Variants in CEP104 observed in about 807,000 individuals in gnomAD.
CEP104 encodes centrosomal protein 104.
CEP104 carries 84 observed loss-of-function variants against 113.3 expected under a neutral mutation model. The observed-to-expected ratio is 0.74, with a 90% confidence interval of 0.62 to 0.89. The LOEUF (loss-of-function observed/expected upper bound fraction) is 0.89. Among genes scored for constraint, CEP104 ranks in the 40% least tolerant of loss-of-function variants. The pLI is 0.00. For missense variants in CEP104, 1,053 were observed against 1,156.6 expected (o/e 0.91, Z 1.30); for synonymous variants, 378 against 421.7 (o/e 0.90, Z 1.27).
At chr1:3,837,540 T>C (rs781140210) in intron 8 of CEP104, 21 bp from the exon 9 acceptor site, 5 of 1,603,178 alleles carry the variant, frequency 3.1e-6, no homozygotes, top group Non-Finnish European at 4.3e-6. Context: ...AAAAGGAACA[T>C]TTAATTTCAA....
At chr1:3,848,128 C>T (rs954432264) in intron 3 of CEP104, among the ~76,000 whole-genome samples, 2 of 152,064 alleles carry the variant, frequency 1.3e-5, no homozygotes, top group East Asian at 1.9e-4. Flanking sequence ...GAAATTATAG[C>T]GCTGCTTTTT....
chr1:3,817,636 G>A (rs982122921), intron 20 of CEP104, among the ~76,000 whole-genome samples: 1 of 152,114 alleles, frequency 6.6e-6, no homozygotes, highest in African/African-American at 2.4e-5. Context: ...ACCAGAATGT[G>A]GCCCACCGGC....
rs1557668710 is a variant in CEP104, at chr1:3,829,458, A to G, written c.2044-85T>C. 7 of 878,412 alleles carry G rather than the reference A, an allele frequency of 8.0e-6. No homozygotes were observed. In the South Asian group the frequency reaches 1.1e-4, roughly 14 times the overall value. 54.4% of individuals were successfully genotyped at this position (878,412 alleles called of 1,614,324 possible). ...AGACAAATTATGGCATATCAACTAT[A>G]TTTCTTATAAATTATAATATTCACT... On this transcript the variant is annotated intron_variant, in intron 14 of 21. Transcript: ENST00000378230.
chr1:3,824,788 CGCAGTGCCACTGTGGGAAGGGG>C (rs1173511284), intron 18 of CEP104, among the ~76,000 whole-genome samples: 3 of 151,828 alleles, frequency 2.0e-5, no homozygotes, highest in South Asian at 2.1e-4. Context: ...GAAGCATGGC[CGCAGTGCCACTGTGGGAAGGGG>C]GCAGTGGCAC....
intron 18 of CEP104, among the ~76,000 whole-genome samples, chr1:3,825,520 C>T (rs1039141899): frequency 4.6e-5 from 7 of 152,204 alleles, no homozygotes; most frequent in African/African-American, 1.4e-4. Context: ...CAGACCCCTG[C>T]TGACTCTGGA....
At chr1:3,835,424 G>A (rs367743345) in intron 10 of CEP104, among the ~76,000 whole-genome samples, 3 of 152,178 alleles carry the variant, frequency 2.0e-5, no homozygotes, top group East Asian at 3.9e-4. Flanking sequence ...CGCCCAGGCT[G>A]GAGTGCAGTG....
intron 2 of CEP104, among the ~76,000 whole-genome samples, chr1:3,850,164 G>C (rs985081211): frequency 3.9e-4 from 59 of 152,214 alleles, no homozygotes; most frequent in African/African-American, 1.4e-3. Flanking sequence ...TTCTCAGAAA[G>C]AATGTCCCCA....
chr1:3,835,191 T>G (rs985498494), intron 10 of CEP104, 99 bp from the exon 11 acceptor site: 1 of 857,428 alleles, frequency 1.2e-6, no homozygotes, highest in African/African-American at 1.7e-5. Context: ...AATGATTCAT[T>G]TCTAAGAACA....
intron 12 of CEP104, chr1:3,833,575 G>T: frequency 3.3e-6 from 1 of 307,594 alleles, no homozygotes; most frequent in Non-Finnish European, 6.0e-6. Context: ...TTTACCCTCA[G>T]ATTTTCTCTT....
chr1:3,835,078 A>G lies in CEP104; in HGVS notation c.1332T>C (p.Tyr444=). 2 of 1,613,600 alleles carry G rather than the reference A, an allele frequency of 1.2e-6. No homozygotes were observed. The highest frequency in any genetic ancestry group is 1.7e-6 in the Non-Finnish European group (2 of 1,179,734). ...CCTCTCGGTAGGACCACGTCTTACA[A>G]TAGGCCTCAGCAACCTACCACAAAA... ...VLGETLVAEA[Y]CKTWSYREDA... Residue 444 remains tyrosine (Y), a synonymous_variant, in exon 11 of 22, where the codon TAT becomes TAC. Coordinates refer to ENST00000378230, the MANE Select transcript of CEP104 (RefSeq NM_014704.4).
At chr1:3,855,991 T>C in intron 1 of CEP104, 1 of 965,442 alleles carries the variant, frequency 1.0e-6, no homozygotes, top group East Asian at 1.1e-4. Context: ...CTCACTACAC[T>C]TTTCCTAGTG....
At chr1:3,849,268 T>C (rs1212512022) in intron 2 of CEP104, among the ~76,000 whole-genome samples, 1 of 3,232 alleles carries the variant, frequency 3.1e-4, no homozygotes, top group African/African-American at 1.4e-3. Flanking sequence ...TGACATAACT[T>C]TTTTTTTTTT....
intron 6 of CEP104, among the ~76,000 whole-genome samples, chr1:3,843,708 T>C (rs2124684277): frequency 6.6e-6 from 1 of 151,954 alleles, no homozygotes; most frequent in South Asian, 2.1e-4. Flanking sequence ...TAGCCAAATT[T>C]AGCAGTGAGA....
At position 3,826,644 on chromosome 1, in the gene CEP104, T is replaced by G; in HGVS notation, c.2188+64A>C. The stretch of plus-strand genomic sequence containing the variant: ...GTTCCCACATGGAGCTTCCATGACA[T>G]GCATTTACACACCCCGATTCTTTAC... On this transcript the variant is annotated intron_variant, in intron 16 of 21. Coordinates refer to ENST00000378230, the MANE Select transcript of CEP104 (RefSeq NM_014704.4). The G allele has an allele frequency of 5.1e-6, 8 of 1,567,866 alleles. 1 individual carries two copies. Among genetic ancestry groups the G allele is most frequent in the South Asian group, 4.5e-5 (4 of 89,856 alleles).
chr1:3,840,696 G>C (rs929570306), intron 6 of CEP104, among the ~76,000 whole-genome samples: 1 of 152,086 alleles, frequency 6.6e-6, no homozygotes, highest in Admixed American at 6.6e-5. Flanking sequence ...GAGCCAGCAT[G>C]CCTGGCTAAT....
intron 1 of CEP104, 134 bp downstream of exon 1, chr1:3,856,755 G>C (rs868151152): frequency 6.6e-6 from 1 of 152,066 alleles, no homozygotes; most frequent in Non-Finnish European, 1.5e-5. Context: ...CACCGTCCGC[G>C]CTTGCACCGC....
Position 3,829,821 on chromosome 1 carries a change from T to C in CEP104, c.2013A>G (p.Ile671Met). ...YKTIFEGFAK[I>M]DGRATDAEMR... ...TCTCAGCATCTGTAGCTCTGCCATC[T>C]ATTTTAGCAAATCCCTCAAAAATTG... Residue 671 changes from isoleucine (I) to methionine (M), a missense_variant, in exon 14 of 22, where the codon ATA becomes ATG. Coordinates refer to ENST00000378230, the MANE Select transcript of CEP104 (RefSeq NM_014704.4). 6.2e-7 allele frequency: 1 copy of C among 1,614,242 alleles called. No homozygotes were observed.
intron 2 of CEP104, among the ~76,000 whole-genome samples, chr1:3,851,076 C>T (rs1380894613): frequency 2.0e-5 from 3 of 152,122 alleles, no homozygotes; most frequent in Non-Finnish European, 2.9e-5. Context: ...TCCTCCTGCC[C>T]TCCAGCCACA....
chr1:3,827,714 T>C (rs1340887866), intron 15 of CEP104, among the ~76,000 whole-genome samples: 2 of 152,202 alleles, frequency 1.3e-5, no homozygotes, highest in African/African-American at 4.8e-5. Flanking sequence ...ATCCCGTCAT[T>C]CTCCTGGGAG....
Sources: gnomAD v4.1 joint callset for allele counts (sites outside exome capture counted in the v4.1 genomes callset) on GRCh38, gnomAD v4.1.1 for gene constraint, MANE v1.5 for transcripts, NCBI Gene and HGNC (gene_info 2026-07-23, HGNC 2026-07-21) for gene names.